RAD51: variants seen among roughly 807,000 people sequenced by gnomAD.
The protein encoded by RAD51 is RAD51 recombinase, also known as DNA repair protein RAD51 homolog 1.
In RAD51, 14 loss-of-function variants were observed where a neutral mutation model predicts 41.5. That is an observed-to-expected ratio of 0.34 (90% CI 0.22 to 0.53). RAD51 has a LOEUF of 0.53. Ranked by LOEUF, RAD51 falls within the 20% of genes least tolerant of loss-of-function variation. RAD51 has a pLI of 0.95. For synonymous variants in RAD51, 136 were observed against 148.6 expected (o/e 0.92, Z 0.62); for missense variants, 234 against 422.0 (o/e 0.55, Z 3.90).
rs183929456 is a variant in RAD51, at chr15:40,703,225, G to A, written c.225+2024G>A. ...GAGTCCCTGGGACTATGTTTCATAC[G>A]AAGTAAGTGTCTAGTACATGTTTGT... On this transcript the variant is annotated intron_variant, in intron 3 of 9. Transcript: ENST00000267868. 6.6e-5 allele frequency among the ~76,000 whole-genome samples: 10 copies of A among 152,070 alleles called. 1 individual carries two copies. Among genetic ancestry groups the A allele is most frequent in the Admixed American group, 6.6e-4 (10 of 15,248 alleles).
intron 6 of RAD51, among the ~76,000 whole-genome samples, chr15:40,722,029 G>C (rs1422126523): frequency 6.6e-6 from 1 of 152,160 alleles, no homozygotes; most frequent in African/African-American, 2.4e-5. Flanking sequence ...TAGTCCTGCA[G>C]ATAAAAAGGT....
chr15:40,721,169 C>T (rs1470171471), intron 6 of RAD51, among the ~76,000 whole-genome samples: 4 of 152,110 alleles, frequency 2.6e-5, no homozygotes, highest in Non-Finnish European at 4.4e-5. Flanking sequence ...GGTGACAAAG[C>T]GAGACTCTAT....
chr15:40,704,576 G>A (rs2141827156), intron 3 of RAD51, among the ~76,000 whole-genome samples: 1 of 151,364 alleles, frequency 6.6e-6, no homozygotes, highest in South Asian at 2.1e-4. Flanking sequence ...TGGGCAGGCT[G>A]GTCTTGAACT....
chr15:40,715,990 C>T (rs1895967352), intron 5 of RAD51, among the ~76,000 whole-genome samples: 2 of 152,172 alleles, frequency 1.3e-5, no homozygotes, highest in South Asian at 2.1e-4. Context: ...GTATATGTGT[C>T]CTTTGCTCCT....
At chr15:40,709,192 A>G (rs1268193595) in intron 5 of RAD51, 76 bp downstream of exon 5, 2 of 1,302,672 alleles carry the variant, frequency 1.5e-6, no homozygotes, top group Non-Finnish European at 2.2e-6. Context: ...ATCTGTTAGG[A>G]TGGCCATAAA....
At chr15:40,724,599 C>T (rs1386871069) in intron 6 of RAD51, among the ~76,000 whole-genome samples, 1 of 151,710 alleles carries the variant, frequency 6.6e-6, no homozygotes, top group African/African-American at 2.4e-5. Flanking sequence ...AACTCCAGGG[C>T]TCAAGCAGTC....
intron 5 of RAD51, among the ~76,000 whole-genome samples, chr15:40,716,786 A>G (rs1237072576): frequency 7.0e-6 from 1 of 142,206 alleles, no homozygotes; most frequent in Non-Finnish European, 1.5e-5. Flanking sequence ...TCAGCCTCCC[A>G]AGTAGTTGGG....
chr15:40,704,379 T>C (rs951074652), intron 3 of RAD51, among the ~76,000 whole-genome samples: 29 of 149,708 alleles, frequency 1.9e-4, no homozygotes, highest in African/African-American at 6.7e-4. Flanking sequence ...TTTTTTTTTT[T>C]CTGATGCAGT....
chr15:40,708,695 C>A (rs45571635), intron 4 of RAD51, among the ~76,000 whole-genome samples: 2,117 of 152,174 alleles, frequency 0.014, 27 homozygotes, highest in Non-Finnish European at 0.022. Flanking sequence ...GTGATCCTCT[C>A]ACCTTAGCTC....
chr15:40,717,062 G>T (rs1381497728), intron 5 of RAD51, among the ~76,000 whole-genome samples: 4 of 152,024 alleles, frequency 2.6e-5, no homozygotes, highest in African/African-American at 9.7e-5. Context: ...GAAAATTTGG[G>T]CTGGGTGCAG....
chr15:40,731,555 T>A lies in RAD51; in HGVS notation c.*377T>A, dbSNP rs1896876867. ...CCTGACCCTTCTCTCACTTCTAAAT[T>A]AATGGTAAAATAAAATGCCTCAGCT... is the stretch of plus-strand genomic sequence containing the variant. On this transcript the variant is annotated 3_prime_UTR_variant, in exon 10 of 10. Coordinates refer to ENST00000267868, the MANE Select transcript of RAD51 (RefSeq NM_002875.5). 3.1e-6 allele frequency: 1 copy of A among 326,914 alleles called. No individual in the cohort carries two copies. The highest frequency in any genetic ancestry group is 5.7e-6 in the Non-Finnish European group (1 of 174,982). 20.3% of individuals were successfully genotyped at this position (326,914 alleles called of 1,614,324 possible).
chr15:40,725,502 T>C (rs541002026), intron 6 of RAD51, among the ~76,000 whole-genome samples: 194 of 152,288 alleles, frequency 1.3e-3, no homozygotes, highest in African/African-American at 4.5e-3. Flanking sequence ...TACTGATTAA[T>C]TTTTGCCGTG....
intron 5 of RAD51, among the ~76,000 whole-genome samples, chr15:40,713,691 C>G (rs1384855575): frequency 6.7e-6 from 1 of 150,228 alleles, no homozygotes; most frequent in Non-Finnish European, 1.5e-5. Flanking sequence ...ACTGCAAGCT[C>G]CGCCTCCTGG....
At chr15:40,716,156 T>A (rs1475306656) in intron 5 of RAD51, among the ~76,000 whole-genome samples, 1 of 152,224 alleles carries the variant, frequency 6.6e-6, no homozygotes, top group African/African-American at 2.4e-5. Context: ...TGCTAAACGC[T>A]TTACATGAAT....
chr15:40,715,417 T>A (rs1360879233), intron 5 of RAD51, among the ~76,000 whole-genome samples: 8 of 151,930 alleles, frequency 5.3e-5, no homozygotes, highest in Admixed American at 5.2e-4. Flanking sequence ...TGACAGAAAA[T>A]TTGTCTTACA....
chr15:40,701,032 T>A (rs1463801591), intron 2 of RAD51, 32 bp from the exon 3 acceptor site: 1 of 1,612,328 alleles, frequency 6.2e-7, no homozygotes, highest in Non-Finnish European at 8.5e-7. Flanking sequence ...GAACTAAAGC[T>A]TAAATTTATC....
intron 6 of RAD51, among the ~76,000 whole-genome samples, chr15:40,723,276 C>T (rs952432399): frequency 2.0e-5 from 3 of 152,000 alleles, no homozygotes; most frequent in African/African-American, 7.3e-5. Flanking sequence ...GGTCTCTTTG[C>T]AAAATAGGTG....
chr15:40,725,394 GA>G (rs1896530571), intron 6 of RAD51, among the ~76,000 whole-genome samples: 1 of 152,068 alleles, frequency 6.6e-6, no homozygotes, highest in Non-Finnish European at 1.5e-5. Context: ...TCTTTATCAA[GA>G]AAAAAATTTT....
intron 6 of RAD51, among the ~76,000 whole-genome samples, chr15:40,722,847 G>C (rs78987459): frequency 6.6e-6 from 1 of 152,206 alleles, no homozygotes; most frequent in East Asian, 1.9e-4. Flanking sequence ...ATTGATAATA[G>C]AGTTAGTTTT....
Sources: allele counts gnomAD v4.1 joint callset (sites outside exome capture counted in the v4.1 genomes callset), GRCh38; gene constraint gnomAD v4.1.1; transcripts MANE v1.5; gene names NCBI Gene and HGNC (gene_info 2026-07-23, HGNC 2026-07-21).